The following CYBB variants were observed in gnomAD, a reference collection of about 807,000 sequenced individuals.
The protein encoded by CYBB is cytochrome b-245 beta chain, also known as NADPH oxidase 2.
A neutral mutation model predicts 46.5 loss-of-function variants in CYBB; 5 were observed. That is an observed-to-expected ratio of 0.11 (90% confidence interval 0.06 to 0.23). The LOEUF (loss-of-function observed/expected upper bound fraction) is 0.23. Among genes scored for constraint, CYBB ranks in the 10% least tolerant of loss-of-function variants. CYBB has a pLI of 1.00. For missense variants in CYBB, 307 were observed against 428.3 expected, an observed-to-expected ratio of 0.72 and a Z score of 2.50; for synonymous variants, 183 against 156.7, an observed-to-expected ratio of 1.17 and a Z score of -1.26.
intron 3 of CYBB, among the ~76,000 whole-genome samples, chrX:37,789,531 A>AAATC (rs1342303248): frequency 8.9e-4 from 97 of 109,180 alleles, no homozygotes; most frequent in African/African-American, 3.0e-3. Context: ...GAAAGAAAAT[A>AAATC]AATAAATAAA....
intron 3 of CYBB, among the ~76,000 whole-genome samples, chrX:37,791,319 A>T (rs1442075124): frequency 8.9e-6 from 1 of 112,111 alleles, no homozygotes; most frequent in Non-Finnish European, 1.9e-5. Flanking sequence ...ATTAAATTAA[A>T]TTAAATATTA....
At chrX:37,801,572 A>G (rs1261384101) in intron 8 of CYBB, among the ~76,000 whole-genome samples, 13 of 98,699 alleles carry the variant, frequency 1.3e-4, no homozygotes, top group African/African-American at 4.2e-4. Flanking sequence ...CTGGACATCA[A>G]TCTCCCCCAC....
chrX:37,797,925 T>C (rs1460325761), intron 6 of CYBB, among the ~76,000 whole-genome samples: 1 of 111,947 alleles, frequency 8.9e-6, no homozygotes, highest in African/African-American at 3.2e-5. Flanking sequence ...ATGGGGGTAA[T>C]AATACTTGCC....
At chrX:37,808,512 C>T (rs1245958145) in intron 11 of CYBB, among the ~76,000 whole-genome samples, 3 of 112,278 alleles carry the variant, frequency 2.7e-5, no homozygotes, top group African/African-American at 9.7e-5. Context: ...CTTCCATGTG[C>T]ACCCTGTCAC....
rs1009384272 is a variant in CYBB, at chrX:37,812,532, A to G, written c.*1615A>G. ...CCAGATTTCTTAAAGTTTGATATGT[A>G]TAGAATATAATTGAAGGAGGTATAC... On this transcript the variant is annotated 3_prime_UTR_variant, in exon 13 of 13. Transcript: ENST00000378588. The G allele has an allele frequency of 2.7e-5, 3 of 111,860 alleles. No homozygotes were observed. Among genetic ancestry groups the G allele is most frequent in the East Asian group, 5.5e-4 (2 of 3,635 alleles). The allele number at this position is 111,860 out of a possible 1,213,427, so 9.2% of individuals were successfully genotyped here.
chrX:37,795,648 TG>T (rs1929284085), intron 5 of CYBB, among the ~76,000 whole-genome samples: 1 of 111,912 alleles, frequency 8.9e-6, no homozygotes, highest in African/African-American at 3.2e-5. Context: ...TGTAGTTGAT[TG>T]ATTTCCTTTA....
intron 3 of CYBB, 25 bp from the exon 4 acceptor site, chrX:37,791,950 C>T: frequency 1.8e-6 from 2 of 1,114,171 alleles, no homozygotes; most frequent in South Asian, 1.8e-5. Flanking sequence ...AATTACTATT[C>T]CATTCTTTCC....
At position 37,812,471 on chromosome X, in the gene CYBB, G is replaced by C. The variant is rs775715250; in HGVS notation, c.*1554G>C. 5.4e-5 allele frequency: 6 copies of C among 111,497 alleles called. No homozygotes were observed. Among genetic ancestry groups the C allele is most frequent in the East Asian group, 5.6e-4 (2 of 3,572 alleles). 9.2% of individuals were successfully genotyped at this position (111,497 alleles called of 1,213,427 possible). ...AAATAAAAAAGGCAAAAGGGAGAGA[G>C]AGGGGAAGGGGGTCTCATATTGGTC... On this transcript the variant is annotated 3_prime_UTR_variant, in exon 13 of 13. Transcript: ENST00000378588.
chrX:37,807,681 TATAA>T (rs1487776498), intron 11 of CYBB, among the ~76,000 whole-genome samples: 1 of 111,285 alleles, frequency 9.0e-6, no homozygotes, highest in African/African-American at 3.3e-5. Flanking sequence ...GATTATCATT[TATAA>T]ATAAATTACT....
chrX:37,805,319 A>G, intron 10 of CYBB, 151 bp downstream of exon 10: 3 of 558,359 alleles, frequency 5.4e-6, no homozygotes, highest in Non-Finnish European at 8.9e-6. Context: ...TTTTCTTCAA[A>G]AGAATATTTG....
chrX:37,808,864 T>C (rs2146820603), intron 11 of CYBB, among the ~76,000 whole-genome samples: 1 of 112,576 alleles, frequency 8.9e-6, no homozygotes, highest in East Asian at 2.8e-4. Context: ...AATTATTAAA[T>C]TGGAGTGCCC....
chrX:37,804,161 A>T (rs782094095), intron 9 of CYBB, 31 bp downstream of exon 9: 16 of 1,199,490 alleles, frequency 1.3e-5, no homozygotes, highest in Non-Finnish European at 1.8e-5. Flanking sequence ...ACCAACGTAT[A>T]TGAGTTCAGG....
chrX:37,797,032 A>G (rs1556468639), intron 6 of CYBB, among the ~76,000 whole-genome samples: 2 of 111,328 alleles, frequency 1.8e-5, no homozygotes, highest in East Asian at 5.7e-4. Flanking sequence ...GGCCTGGGGA[A>G]GTTCCCTGGT....
At chrX:37,796,515 T>A (rs189185307) in intron 6 of CYBB, among the ~76,000 whole-genome samples, 1 of 111,744 alleles carries the variant, frequency 8.9e-6, no homozygotes, top group East Asian at 2.8e-4. Context: ...AGTTAATGAT[T>A]AATCAGTTGA....
intron 7 of CYBB, among the ~76,000 whole-genome samples, chrX:37,800,319 C>G (rs1929409793): frequency 9.0e-6 from 1 of 111,263 alleles, no homozygotes; most frequent in African/African-American, 3.3e-5. Context: ...TATATCTATC[C>G]CATTAAAACA....
chrX:37,797,275 A>G, intron 6 of CYBB, among the ~76,000 whole-genome samples: 1 of 112,040 alleles, frequency 8.9e-6, no homozygotes, highest in South Asian at 3.7e-4. Flanking sequence ...AAAGCACTCA[A>G]ATATCTTTAA....
intron 7 of CYBB, 98 bp downstream of exon 7, chrX:37,799,182 TCC>T: frequency 1.8e-5 from 15 of 838,319 alleles, no homozygotes; most frequent in Non-Finnish European, 2.7e-5. Flanking sequence ...TATATAGATG[TCC>T]ATTACAAATG....
intron 11 of CYBB, among the ~76,000 whole-genome samples, chrX:37,807,756 A>T (rs1366282187): frequency 9.0e-6 from 1 of 111,633 alleles, no homozygotes; most frequent in Non-Finnish European, 1.9e-5. Context: ...GTGTACAATG[A>T]GAGTGCTCTT....
intron 12 of CYBB, 47 bp from the exon 13 acceptor site, chrX:37,810,744 A>T: frequency 8.5e-7 from 1 of 1,183,374 alleles, no homozygotes; most frequent in Non-Finnish European, 1.1e-6. Flanking sequence ...CTTTGTAGAC[A>T]TCTCATCCCA....
Sources: gnomAD v4.1 joint callset for allele counts (sites outside exome capture counted in the v4.1 genomes callset) on GRCh38, gnomAD v4.1.1 for gene constraint, MANE v1.5 for transcripts, NCBI Gene and HGNC (gene_info 2026-07-23, HGNC 2026-07-21) for gene names.